AMOTL1: variants seen among roughly 807,000 people sequenced by gnomAD.
AMOTL1 encodes the protein angiomotin like 1, also known as angiomotin-like protein 1.
In AMOTL1, 45 loss-of-function variants were observed where a neutral mutation model predicts 102.9. The ratio of observed to expected loss-of-function variants is 0.44; its 90% CI spans 0.34 to 0.56. The LOEUF (loss-of-function observed/expected upper bound fraction) is 0.56, where lower values mean the gene tolerates loss of function less well. Among genes scored for constraint, AMOTL1 ranks in the 20% least tolerant of loss-of-function variants. AMOTL1 has a pLI of 0.01. For missense variants in AMOTL1, 1,114 were observed against 1,225.6 expected, an observed-to-expected ratio of 0.91 and a Z score of 1.36; for synonymous variants, 481 against 484.7, an observed-to-expected ratio of 0.99 and a Z score of 0.10.
intron 6 of AMOTL1, among the ~76,000 whole-genome samples, chr11:94,844,356 G>C (rs1172562657): frequency 6.6e-6 from 1 of 152,000 alleles, no homozygotes; most frequent in East Asian, 1.9e-4. Flanking sequence ...CTCTCTCTCT[G>C]AGAGACCTAA....
intron 3 of AMOTL1, among the ~76,000 whole-genome samples, chr11:94,746,530 G>C (rs1421119650): frequency 6.6e-6 from 1 of 152,134 alleles, no homozygotes; most frequent in African/African-American, 2.4e-5. Flanking sequence ...TCTACATTCA[G>C]CTTGGTTTCC....
chr11:94,848,755 T>C (rs1952471528), intron 6 of AMOTL1, among the ~76,000 whole-genome samples: 1 of 152,206 alleles, frequency 6.6e-6, no homozygotes, highest in Non-Finnish European at 1.5e-5. Flanking sequence ...TTATCTGATA[T>C]TTGCAGCCTT....
intron 3 of AMOTL1, among the ~76,000 whole-genome samples, chr11:94,816,166 A>T (rs1231470135): frequency 2.0e-5 from 3 of 152,234 alleles, no homozygotes; most frequent in African/African-American, 7.2e-5. Context: ...TTGCTGTTTC[A>T]GCTTCCTCTC....
chr11:94,718,158 A>C (rs1214152846), intron 1 of AMOTL1, among the ~76,000 whole-genome samples: 4 of 151,902 alleles, frequency 2.6e-5, no homozygotes, highest in African/African-American at 9.7e-5. Context: ...AAAAGTGTAC[A>C]TGTGTATCTT....
intron 8 of AMOTL1, 52 bp downstream of exon 8, chr11:94,854,134 A>T: frequency 2.0e-6 from 3 of 1,473,266 alleles, no homozygotes; most frequent in Non-Finnish European, 2.7e-6. Context: ...TCACTCAGCA[A>T]ACGTATGGAT....
At chr11:94,861,856 G>A (rs1478005776) in intron 9 of AMOTL1, among the ~76,000 whole-genome samples, 1 of 152,168 alleles carries the variant, frequency 6.6e-6, no homozygotes, top group African/African-American at 2.4e-5. Flanking sequence ...TTCAGAAGTC[G>A]GGAAATGAAT....
At chr11:94,711,496 T>A (rs1344052423) in intron 1 of AMOTL1, among the ~76,000 whole-genome samples, 1 of 152,098 alleles carries the variant, frequency 6.6e-6, no homozygotes, top group East Asian at 1.9e-4. Context: ...TGTGTGATTG[T>A]ATACAGTTTT....
At chr11:94,832,530 G>A (rs527426405) in intron 6 of AMOTL1, among the ~76,000 whole-genome samples, 188 of 152,148 alleles carry the variant, frequency 1.2e-3, no homozygotes, top group Admixed American at 4.0e-3. Flanking sequence ...TTTAAATTCC[G>A]TTTTTTGCAA....
chr11:94,791,902 T>C (rs948079447), intron 1 of AMOTL1, among the ~76,000 whole-genome samples: 1 of 152,156 alleles, frequency 6.6e-6, no homozygotes, highest in Admixed American at 6.5e-5. Context: ...GTGAAGACAG[T>C]GAATTAAAAT....
In AMOTL1 at chr11:94,789,823, T is replaced by A. The variant is rs548995186; in HGVS notation, c.50-5188T>A. ...AGATAGAAGCCACAGAATTGTTTGT[T>A]GCTGTGGTTAAAATCTCTGTTATAA... is the stretch of plus-strand genomic sequence containing the variant. On this transcript the variant is annotated intron_variant, in intron 1 of 12. Coordinates refer to ENST00000433060, the MANE Select transcript of AMOTL1 (RefSeq NM_130847.3). 1.1e-3 allele frequency among the ~76,000 whole-genome samples: 165 copies of A among 152,330 alleles called. 1 individual carries two copies. Among genetic ancestry groups the A allele is most frequent in the African/African-American group, 3.8e-3 (158 of 41,570 alleles).
At chr11:94,740,793 C>G in intron 2 of AMOTL1, 1 of 551,062 alleles carries the variant, frequency 1.8e-6, no homozygotes, top group Non-Finnish European at 3.0e-6. Flanking sequence ...GTCTGAATCC[C>G]GCGGGGCCTC....
In AMOTL1 at chr11:94,874,861, CAA is replaced by C. The variant is rs1171054381; in HGVS notation, c.*4068_*4069del. ...TTTGACTGCAGGGAGTTATGCTGAGCAAAGAGATGTGTTTTTCAAAACCAGGG... is the reference window on the plus strand; with the variant it reads ...TTTGACTGCAGGGAGTTATGCTGAGCAGAGATGTGTTTTTCAAAACCAGGG... On this transcript the variant is annotated 3_prime_UTR_variant, in exon 13 of 13. Transcript: ENST00000433060. 1 of 152,156 alleles carries C rather than the reference CAA, an allele frequency of 6.6e-6. No individual in the cohort carries two copies. Among genetic ancestry groups the C allele is most frequent in the Non-Finnish European group, 1.5e-5 (1 of 68,036 alleles). The allele number at this position is 152,156 out of a possible 1,614,324, so 9.4% of individuals were successfully genotyped here.
intron 1 of AMOTL1, among the ~76,000 whole-genome samples, chr11:94,785,263 C>G (rs1344356722): frequency 6.6e-6 from 1 of 152,154 alleles, no homozygotes; most frequent in Admixed American, 6.5e-5. Flanking sequence ...AAAAGACTTA[C>G]AATTAGTTTG....
chr11:94,746,293 C>T lies in AMOTL1; in HGVS notation c.136+5305C>T, dbSNP rs373812468. On this transcript the variant is annotated intron_variant, in intron 3 of 4. Coordinates refer to the AMOTL1 transcript ENST00000299004. Reference sequence around the variant, plus strand: ...AAGCCCACACCTTTCCATAGCCTTTCGGTAGTTCCATGCATAGCTAGAAGT... The same window carrying T: ...AAGCCCACACCTTTCCATAGCCTTTTGGTAGTTCCATGCATAGCTAGAAGT... Among the ~76,000 whole-genome samples, 35 of 152,240 alleles carry T rather than the reference C, an allele frequency of 2.3e-4. 2 individuals carry two copies. The highest frequency in any genetic ancestry group is 8.3e-4 in the South Asian group (4 of 4,822).
chr11:94,810,437 A>C (rs1167458919), intron 3 of AMOTL1, among the ~76,000 whole-genome samples: 1 of 146,164 alleles, frequency 6.8e-6, no homozygotes, highest in African/African-American at 2.5e-5. Context: ...TGTCTAAACT[A>C]CTCTCTTTCT....
intron 3 of AMOTL1, among the ~76,000 whole-genome samples, chr11:94,745,201 C>T (rs1950575610): frequency 6.6e-6 from 1 of 151,012 alleles, no homozygotes; most frequent in African/African-American, 2.4e-5. Context: ...ATCCCTCCCC[C>T]ATCCCCCATA....
At chr11:94,724,626 G>A (rs986231749) in intron 1 of AMOTL1, among the ~76,000 whole-genome samples, 4 of 152,012 alleles carry the variant, frequency 2.6e-5, no homozygotes, top group African/African-American at 7.2e-5. Flanking sequence ...GTAATGATAC[G>A]TTCATATACA....
intron 3 of AMOTL1, among the ~76,000 whole-genome samples, chr11:94,750,678 C>T (rs1950642224): frequency 6.6e-6 from 1 of 152,200 alleles, no homozygotes; most frequent in South Asian, 2.1e-4. Flanking sequence ...TCCTCCTCCT[C>T]AAGCCCTGAA....
At chr11:94,711,049 G>GGCC (rs1468014621) in intron 1 of AMOTL1, among the ~76,000 whole-genome samples, 4 of 152,296 alleles carry the variant, frequency 2.6e-5, no homozygotes, top group Non-Finnish European at 5.9e-5. Flanking sequence ...ACAGATAGAT[G>GGCC]CTACCACTTT....
Sources: allele counts gnomAD v4.1 joint callset (sites outside exome capture counted in the v4.1 genomes callset), GRCh38; gene constraint gnomAD v4.1.1; transcripts MANE v1.5; gene names NCBI Gene and HGNC (gene_info 2026-07-23, HGNC 2026-07-21).